Variants in ADCY2 observed in about 807,000 individuals in gnomAD.
The protein encoded by ADCY2 is adenylate cyclase type 2.
In ADCY2, 31 loss-of-function variants were observed where a neutral mutation model predicts 125.2. That is an observed-to-expected ratio of 0.25 (90% CI 0.19 to 0.33). The LOEUF is 0.33. Among genes scored for constraint, ADCY2 ranks in the 10% least tolerant of loss-of-function variants. The pLI is 1.00. For missense variants in ADCY2, 904 were observed against 1,418.2 expected, an observed-to-expected ratio of 0.64 and a Z score of 5.82; for synonymous variants, 512 against 548.4, an observed-to-expected ratio of 0.93 and a Z score of 0.93.
At chr5:7,748,061 C>T (rs1045227230) in intron 15 of ADCY2, among the ~76,000 whole-genome samples, 1 of 152,208 alleles carries the variant, frequency 6.6e-6, no homozygotes, top group Non-Finnish European at 1.5e-5. Context: ...GGCCTGGCAT[C>T]CTGATGTTCT....
rs1561171934 is a variant in ADCY2, at chr5:7,695,807, G to A, written c.925G>A (p.Gly309Arg). ...CCGGCTGGCAAGTGACTGCTCCCCG[G>A]GAGAACTAGTCCACATGCTGAATGA... ...FTRLASDCSPGELVHMLNELF... is the reference protein window; with the variant it reads ...FTRLASDCSPRELVHMLNELF... The change falls in exon 6 of 25, where the codon GGA becomes AGA. Residue 309 changes from glycine (G) to arginine (R), a missense_variant. By Grantham distance (125) the Gly-to-Arg change is moderately radical. Around this residue, in one of 7 missense-constraint regions of ADCY2, gnomAD observed 117 missense variants for 248.0 expected, o/e 0.47. Coordinates refer to ENST00000338316, the MANE Select transcript of ADCY2 (RefSeq NM_020546.3). 1 of 1,612,948 alleles carries A rather than the reference G, an allele frequency of 6.2e-7. No individual in the cohort carries two copies. Among genetic ancestry groups the A allele is most frequent in the Non-Finnish European group, 8.5e-7 (1 of 1,179,404 alleles).
At chr5:7,599,844 A>G (rs1192464304) in intron 3 of ADCY2, among the ~76,000 whole-genome samples, 2 of 152,250 alleles carry the variant, frequency 1.3e-5, no homozygotes, top group African/African-American at 4.8e-5. Flanking sequence ...AAAGTCTCCA[A>G]GAAACACAGG....
In ADCY2 at chr5:7,752,263, A is replaced by G. The variant is rs72712263; in HGVS notation, c.1957-5186A>G. On this transcript the variant is annotated intron_variant, in intron 15 of 24. Transcript: ENST00000338316. ...GTGACATTAAATGTTACAAGTAATT[A>G]TTGCTCCGGCTTATTCCTGCCATTC... Among the ~76,000 whole-genome samples the G allele has an allele frequency of 7.2e-3, 1,102 of 152,328 alleles. 7 individuals carry two copies. The highest frequency in any genetic ancestry group is 0.044 in the Middle Eastern group (13 of 294).
In ADCY2 at chr5:7,709,453, T is replaced by G; in HGVS notation, c.1578+66T>G. The G allele has an allele frequency of 6.8e-7, 1 of 1,468,636 alleles. No individual in the cohort carries two copies. The highest frequency in any genetic ancestry group is 2.5e-5 in the East Asian group (1 of 40,312). The allele number at this position is 1,468,636 out of a possible 1,614,324, so 91.0% of individuals were successfully genotyped here. On this transcript the variant is annotated intron_variant, in intron 10 of 24. Transcript: ENST00000338316. The surrounding 1 kb of genome is among the most constrained non-coding windows in gnomAD (Gnocchi z 4.4). ...AAGCTAACTTCCCAAAACCAAAGGC[T>G]GGGCATCTCCTGCCAAAATAACTCC... is the stretch of plus-strand genomic sequence containing the variant.
chr5:7,554,906 G>A lies in ADCY2; in HGVS notation c.570+34007G>A, dbSNP rs535302773. Reference sequence around the variant, plus strand: ...AATGTGAAGGAACGGGAACTATGCTGTTTCTTTGCAACCTGGTCCTCTCTC... The same window carrying A: ...AATGTGAAGGAACGGGAACTATGCTATTTCTTTGCAACCTGGTCCTCTCTC... On this transcript the variant is annotated intron_variant, in intron 3 of 24. Coordinates refer to ENST00000338316, the MANE Select transcript of ADCY2 (RefSeq NM_020546.3). 2.0e-5 allele frequency among the ~76,000 whole-genome samples: 3 copies of A among 152,316 alleles called. No individual in the cohort carries two copies. In the South Asian group the frequency reaches 6.2e-4, roughly 32 times the overall value.
intron 2 of ADCY2, among the ~76,000 whole-genome samples, chr5:7,428,391 G>C (rs543440205): frequency 6.6e-6 from 1 of 152,176 alleles, no homozygotes; most frequent in African/African-American, 2.4e-5. Context: ...CAAAGATAGA[G>C]TTTTTTCTGC....
intron 2 of ADCY2, among the ~76,000 whole-genome samples, chr5:7,453,998 C>T (rs1427442598): frequency 6.6e-6 from 1 of 152,178 alleles, no homozygotes; most frequent in East Asian, 1.9e-4. Flanking sequence ...TTTCTATCTA[C>T]AGGGAGACTG....
At chr5:7,721,961 G>A (rs1486138161) in intron 12 of ADCY2, among the ~76,000 whole-genome samples, 1 of 152,242 alleles carries the variant, frequency 6.6e-6, no homozygotes, top group Non-Finnish European at 1.5e-5. Flanking sequence ...TAAACCAGTA[G>A]TGGGAGTGGA....
intron 4 of ADCY2, among the ~76,000 whole-genome samples, chr5:7,688,001 C>G (rs963133568): frequency 6.6e-6 from 1 of 152,174 alleles, no homozygotes; most frequent in African/African-American, 2.4e-5. Context: ...TTAATCTAAT[C>G]AAGCCAATCT....
At chr5:7,759,163 G>A (rs1409036235) in intron 16 of ADCY2, among the ~76,000 whole-genome samples, 1 of 152,180 alleles carries the variant, frequency 6.6e-6, no homozygotes, top group Non-Finnish European at 1.5e-5. Flanking sequence ...GTGAATGTGT[G>A]CAATTCCCAT....
intron 3 of ADCY2, among the ~76,000 whole-genome samples, chr5:7,579,345 C>A (rs1736350628): frequency 6.6e-6 from 1 of 152,064 alleles, no homozygotes; most frequent in South Asian, 2.1e-4. Flanking sequence ...CTATGTTTTC[C>A]CTGGATTATA....
At chr5:7,764,467 C>T (rs1435160596) in intron 16 of ADCY2, among the ~76,000 whole-genome samples, 3 of 152,146 alleles carry the variant, frequency 2.0e-5, no homozygotes, top group Non-Finnish European at 4.4e-5. Flanking sequence ...GTCAGGTAGA[C>T]TTCTAATTCC....
intron 3 of ADCY2, among the ~76,000 whole-genome samples, chr5:7,623,616 G>A (rs1738027998): frequency 6.6e-6 from 1 of 152,150 alleles, no homozygotes; most frequent in Non-Finnish European, 1.5e-5. Flanking sequence ...CCCAGAAAAG[G>A]TGATGCATCA....
chr5:7,647,240 T>C (rs1444095738), intron 4 of ADCY2, among the ~76,000 whole-genome samples: 1 of 152,208 alleles, frequency 6.6e-6, no homozygotes, highest in African/African-American at 2.4e-5. Flanking sequence ...GGTTGATTTT[T>C]AACACTCTGT....
chr5:7,777,156 C>G (rs73737627), intron 18 of ADCY2, among the ~76,000 whole-genome samples: 9,927 of 152,130 alleles, frequency 0.065, 759 homozygotes, highest in African/African-American at 0.18. Flanking sequence ...CTCGGTGTGC[C>G]TGAGGACCAA....
At chr5:7,482,491 G>A (rs558780520) in intron 2 of ADCY2, among the ~76,000 whole-genome samples, 1 of 151,940 alleles carries the variant, frequency 6.6e-6, no homozygotes, top group African/African-American at 2.4e-5. Context: ...AAGATGTGGA[G>A]CAAACTCTTA....
At chr5:7,499,610 T>C (rs1402010968) in intron 2 of ADCY2, among the ~76,000 whole-genome samples, 2 of 145,964 alleles carry the variant, frequency 1.4e-5, no homozygotes, top group African/African-American at 5.0e-5. Context: ...CATACCTATT[T>C]AGGAACAGAG....
intron 2 of ADCY2, 138 bp downstream of exon 2, chr5:7,414,908 G>T: frequency 1.5e-6 from 1 of 647,810 alleles, no homozygotes; most frequent in Non-Finnish European, 2.5e-6. Flanking sequence ...GATTTATATT[G>T]CTAAAATTTA....
In ADCY2 at chr5:7,626,285, G is replaced by A. The variant is rs1168542317; in HGVS notation, c.689G>A (p.Arg230Gln). 2 of 1,613,854 alleles carry A rather than the reference G, an allele frequency of 1.2e-6. No individual in the cohort carries two copies. The highest frequency in any genetic ancestry group is 1.7e-6 in the Non-Finnish European group (2 of 1,179,912). Residue 230 changes from arginine to glutamine, a missense_variant, in exon 4 of 25, where the codon CGG (arginine) becomes CAG (glutamine). Coordinates refer to ENST00000338316, the MANE Select transcript of ADCY2 (RefSeq NM_020546.3). ...YQDTCNCIKSRIKLEFEKRQQ... is the reference protein window; with the variant it reads ...YQDTCNCIKSQIKLEFEKRQQ... The stretch of plus-strand genomic sequence containing the variant: ...GACACCTGTAATTGCATCAAGTCGC[G>A]GATCAAGTTGGAATTTGAAAAACGT...
Sources: gnomAD v4.1 joint callset for allele counts (sites outside exome capture counted in the v4.1 genomes callset) on GRCh38, gnomAD v4.1.1 for gene constraint, gnomAD v4.1.1 regional missense constraint, Gnocchi (gnomAD v3.1) non-coding constraint, MANE v1.5 for transcripts, NCBI Gene and HGNC (gene_info 2026-07-23, HGNC 2026-07-21) for gene names.